The following RTL4 variants were observed in gnomAD, a reference collection of about 807,000 sequenced individuals.
The protein encoded by RTL4 is retrotransposon Gag-like protein 4.
In RTL4, 4 loss-of-function variants were observed where a neutral mutation model predicts 5.3. The ratio of observed to expected loss-of-function variants is 0.75; its 90% CI spans 0.37 to 1.72. RTL4 has a LOEUF of 1.72. Ranked by LOEUF, RTL4 falls within the 40% of genes most tolerant of loss-of-function variation. RTL4 has a pLI of 0.04. For synonymous variants in RTL4, 98 were observed against 87.3 expected (o/e 1.12, Z -0.68); for missense variants, 260 against 227.1 (o/e 1.14, Z -0.93).
chrX:112,326,411 G>A, the RTL4 span, among the ~76,000 whole-genome samples: 1 of 111,433 alleles, frequency 9.0e-6, no homozygotes, highest in African/African-American at 3.3e-5. Context: ...CTGGAAAATC[G>A]GGTCACTTCC....
At chrX:112,355,367 G>A in the RTL4 span, among the ~76,000 whole-genome samples, 1 of 111,439 alleles carries the variant, frequency 9.0e-6, no homozygotes, top group South Asian at 3.7e-4. Context: ...GGACTAGTAA[G>A]GAAGGAAAGA....
the RTL4 span, among the ~76,000 whole-genome samples, chrX:112,169,751 CAT>C: frequency 9.0e-6 from 1 of 111,643 alleles, no homozygotes; most frequent in African/African-American, 3.3e-5. Flanking sequence ...TTTCAACTTC[CAT>C]ATAGCTTCTG....
chrX:112,208,356 T>G, the RTL4 span, among the ~76,000 whole-genome samples: 1 of 112,128 alleles, frequency 8.9e-6, no homozygotes. Context: ...TTATTCAAAC[T>G]CAGTCATTTC....
the RTL4 span, among the ~76,000 whole-genome samples, chrX:112,201,292 A>G: frequency 1.4e-4 from 16 of 111,566 alleles, no homozygotes; most frequent in African/African-American, 5.2e-4. Flanking sequence ...TATGGGGATT[A>G]CAATTCAAGA....
chrX:112,418,523 T>C, the RTL4 span, among the ~76,000 whole-genome samples: 1 of 111,630 alleles, frequency 9.0e-6, no homozygotes, highest in Non-Finnish European at 1.9e-5. Context: ...TCCTGGTACA[T>C]AGAAAACAAT....
At chrX:112,455,093 T>G in exon 1 of RTL4, 1 of 1,211,795 alleles carries the variant, frequency 8.3e-7, no homozygotes, top group Non-Finnish European at 1.1e-6. Context: ...AGTACCTTAC[T>G]GAAGCAATAT....
At chrX:112,165,251 G>A in the RTL4 span, among the ~76,000 whole-genome samples, 2 of 112,287 alleles carry the variant, frequency 1.8e-5, no homozygotes, top group African/African-American at 6.5e-5. Context: ...CAACTTTTCA[G>A]AAAATAAAAC....
At chrX:112,378,983 A>T in the RTL4 span, among the ~76,000 whole-genome samples, 1 of 112,512 alleles carries the variant, frequency 8.9e-6, no homozygotes, top group African/African-American at 3.2e-5. Context: ...CTGGGTATGG[A>T]TATGATTTTT....
the RTL4 span, among the ~76,000 whole-genome samples, chrX:112,192,157 T>G: frequency 9.2e-6 from 1 of 108,436 alleles, no homozygotes; most frequent in Non-Finnish European, 1.9e-5. Context: ...GGTTTTTTTT[T>G]GTGGATTCTT....
At chrX:112,289,768 AAT>A in the RTL4 span, among the ~76,000 whole-genome samples, 6 of 74,192 alleles carry the variant, frequency 8.1e-5, no homozygotes, top group East Asian at 5.9e-4. Context: ...GTGTGTGTAT[AAT>A]ATATGTGTGT....
the RTL4 span, among the ~76,000 whole-genome samples, chrX:112,412,789 G>T: frequency 9.0e-6 from 1 of 110,945 alleles, no homozygotes; most frequent in Non-Finnish European, 1.9e-5. Context: ...CAAGACATTG[G>T]GTGGGGCAAA....
chrX:112,100,809 A>G, the RTL4 span, among the ~76,000 whole-genome samples: 141 of 111,914 alleles, frequency 1.3e-3, 3 homozygotes, highest in Middle Eastern at 9.4e-3. Context: ...GAACCTAGTC[A>G]GATGGGAGCT....
the RTL4 span, among the ~76,000 whole-genome samples, chrX:112,161,878 T>TTTCTTTCTTTCC: frequency 2.4e-5 from 1 of 41,308 alleles, no homozygotes; most frequent in Non-Finnish European, 5.3e-5. Flanking sequence ...TCTTTCCTTC[T>TTTCTTTCTTTCC]TTCTTCTTTC....
chrX:112,220,549 T>C, the RTL4 span, among the ~76,000 whole-genome samples: 6 of 113,170 alleles, frequency 5.3e-5, no homozygotes, highest in African/African-American at 1.9e-4. Context: ...TGGTTACTTA[T>C]ACAAATTTCT....
chrX:112,293,715 G>C, the RTL4 span, among the ~76,000 whole-genome samples: 6 of 111,853 alleles, frequency 5.4e-5, no homozygotes, highest in African/African-American at 2.0e-4. Context: ...CCACAAAACT[G>C]TTGCTAAGGT....
chrX:112,164,057 C>T, the RTL4 span, among the ~76,000 whole-genome samples: 5 of 111,764 alleles, frequency 4.5e-5, no homozygotes, highest in African/African-American at 1.3e-4. Context: ...AATTTTATAG[C>T]GAAGAAAACT....
the RTL4 span, among the ~76,000 whole-genome samples, chrX:112,124,386 C>T: frequency 9.0e-6 from 1 of 111,344 alleles, no homozygotes; most frequent in African/African-American, 3.3e-5. Context: ...TTTATTGCAG[C>T]ACTATTTACA....
At chrX:112,414,972 T>C in the RTL4 span, among the ~76,000 whole-genome samples, 1 of 111,912 alleles carries the variant, frequency 8.9e-6, no homozygotes, top group East Asian at 2.8e-4. Flanking sequence ...CTAGCTATTA[T>C]ATACATCATT....
chrX:112,087,885 G>A, the RTL4 span, among the ~76,000 whole-genome samples: 1 of 110,996 alleles, frequency 9.0e-6, no homozygotes, highest in Admixed American at 9.6e-5. Context: ...CTGCCTTTTT[G>A]TATTGAAGTG....
Sources: allele counts gnomAD v4.1 joint callset (sites outside exome capture counted in the v4.1 genomes callset), GRCh38; gene constraint gnomAD v4.1.1; transcripts MANE v1.5; gene names NCBI Gene and HGNC (gene_info 2026-07-23, HGNC 2026-07-21).